Variants in AUNIP observed in about 807,000 individuals in gnomAD.
The protein encoded by AUNIP is aurora kinase A- and ninein-interacting protein.
AUNIP carries 16 observed loss-of-function variants against 12.2 expected under a neutral mutation model. The ratio of observed to expected loss-of-function variants is 1.31; its 90% confidence interval spans 0.88 to 1.99. AUNIP has a LOEUF of 1.99. AUNIP is among the 30% of genes most tolerant of loss of function. The pLI is 0.00. For synonymous variants in AUNIP, 142 were observed against 154.8 expected, an observed-to-expected ratio of 0.92 and a Z score of 0.61; for missense variants, 411 against 419.1, an observed-to-expected ratio of 0.98 and a Z score of 0.17.
chr1:25,832,155 T>C, downstream of AUNIP: 2 of 1,566,630 alleles, frequency 1.3e-6, no homozygotes, highest in South Asian at 1.1e-5. Context: ...AGCTAGAGCT[T>C]GGACTGAAAG....
Position 25,835,576 on chromosome 1 carries a change from G to C in AUNIP, c.491C>G (p.Ala164Gly). 1 of 1,614,254 alleles carries C rather than the reference G, an allele frequency of 6.2e-7. No homozygotes were observed. The highest frequency in any genetic ancestry group is 8.5e-7 in the Non-Finnish European group (1 of 1,180,052). ...SLLQPDTPDC[A>G]GDSHTPLAFS... ...AGCCAGTGGGGTATGACTATCTCCA[G>C]CACAGTCTGGAGTATCAGGCTGGAG... The change falls in exon 3 of 3, where the codon GCT (alanine) becomes GGT (glycine). Residue 164 changes from alanine (A) to glycine (G), a missense_variant. Physicochemically the swap from Ala to Gly is moderately conservative, Grantham distance 60. Transcript: ENST00000374298.
chr1:25,853,006 T>G (rs950242989), intron 1 of AUNIP, among the ~76,000 whole-genome samples: 4 of 152,246 alleles, frequency 2.6e-5, no homozygotes, highest in Non-Finnish European at 5.9e-5. Context: ...CTTTGTATGA[T>G]TTCCATCTTT....
intron 1 of AUNIP, among the ~76,000 whole-genome samples, chr1:25,853,524 G>A (rs2048437969): frequency 6.6e-6 from 1 of 152,168 alleles, no homozygotes; most frequent in Non-Finnish European, 1.5e-5. Context: ...CTGAACCCAT[G>A]AGTCAAAGTT....
chr1:25,835,781 A>C lies in AUNIP; in HGVS notation c.286T>G (p.Ser96Ala). The C allele has an allele frequency of 6.2e-7, 1 of 1,613,558 alleles. No individual in the cohort carries two copies. The highest frequency in any genetic ancestry group is 1.6e-4 in the Middle Eastern group (1 of 6,062). The change falls in exon 3 of 3, where the codon TCC (serine) becomes GCC (alanine). Residue 96 changes from serine (S) to alanine (A), a missense_variant. By Grantham distance (99) the Ser-to-Ala change is moderately conservative. Coordinates refer to ENST00000374298, the MANE Select transcript of AUNIP (RefSeq NM_024037.3). ...TCTAGCTGGGTCGCATTTTTCTTGGACTCTTTGTTGATCTGACTTTCTGTA... is the reference window on the plus strand; with the variant it reads ...TCTAGCTGGGTCGCATTTTTCTTGGCCTCTTTGTTGATCTGACTTTCTGTA... Reference protein sequence around the residue: ...SHTESQINKESKKNATQLDHL... With the variant: ...SHTESQINKEAKKNATQLDHL...
In AUNIP at chr1:25,835,171, G is replaced by A; in HGVS notation, c.896C>T (p.Ala299Val). Residue 299 changes from alanine to valine, a missense_variant, in exon 3 of 3, where the codon GCC becomes GTC. Transcript: ENST00000374298. ...TEDSQGQRVI[A>V]HNTRAPFQDV... is the part of the protein sequence containing the mutation. Reference sequence around the variant, plus strand: ...TTGAAAAGGAGCTCTAGTGTTGTGGGCAATGACCCGCTGGCCTTGAGAATC... The same window carrying A: ...TTGAAAAGGAGCTCTAGTGTTGTGGACAATGACCCGCTGGCCTTGAGAATC... 6.2e-7 allele frequency: 1 copy of A among 1,614,202 alleles called. No individual in the cohort carries two copies. Among genetic ancestry groups the A allele is most frequent in the Non-Finnish European group, 8.5e-7 (1 of 1,180,034 alleles).
rs2048279716 is a variant in AUNIP, at chr1:25,834,312, G to C, written c.*681C>G. The C allele has an allele frequency of 1.0e-6, 1 of 985,200 alleles. No homozygotes were observed. The highest frequency in any genetic ancestry group is 4.7e-5 in the South Asian group (1 of 21,272). The allele number at this position is 985,200 out of a possible 1,614,324, so 61.0% of individuals were successfully genotyped here. A position where few individuals can be genotyped will look rare whatever the true frequency, so the allele number is the denominator to read the frequency against. On this transcript the variant is annotated 3_prime_UTR_variant, in exon 3 of 3. Transcript: ENST00000374298. ...GGCTGATGTGGGTTAAGATCAGCCAGAGATTAAAAGCTCACACATCTGGCT... is the reference window on the plus strand; with the variant it reads ...GGCTGATGTGGGTTAAGATCAGCCACAGATTAAAAGCTCACACATCTGGCT...
At chr1:25,844,406 ACCC>A (rs1391677915) in intron 1 of AUNIP, among the ~76,000 whole-genome samples, 2 of 151,988 alleles carry the variant, frequency 1.3e-5, no homozygotes, top group East Asian at 3.9e-4. Flanking sequence ...GCCAAGTGTG[ACCC>A]TTTCTTATGC....
In AUNIP at chr1:25,857,786, C is replaced by A. The variant is rs184818376; in HGVS notation, c.78+1494G>T. On this transcript the variant is annotated intron_variant, in intron 1 of 2. Coordinates refer to ENST00000374298, the MANE Select transcript of AUNIP (RefSeq NM_024037.3). ...GCTGAGGCGGAAGAATCGCTTGAAC[C>A]CGGGAGGCAGAGGTTGCAGTGAGCT... 5.0e-3 allele frequency among the ~76,000 whole-genome samples: 760 copies of A among 151,078 alleles called. 8 individuals are homozygous for A. The highest frequency in any genetic ancestry group is 0.014 in the African/African-American group (585 of 41,158).
chr1:25,843,263 G>T (rs2048358721), intron 1 of AUNIP, among the ~76,000 whole-genome samples: 1 of 150,600 alleles, frequency 6.6e-6, no homozygotes, highest in South Asian at 2.1e-4. Flanking sequence ...TGTACAAGAA[G>T]ATTAATGTTT....
Position 25,859,431 on chromosome 1 carries a change from C to A in AUNIP, c.-74G>T. On this transcript the variant is annotated 5_prime_UTR_variant, in exon 1 of 3. Transcript: ENST00000374298. The stretch of plus-strand genomic sequence containing the variant: ...GCCTCAGGGAACGCCAGAACCGCGG[C>A]CGCCGACGTTCGGATCTCGCGCCAA... 1 of 1,349,616 alleles carries A rather than the reference C, an allele frequency of 7.4e-7. No homozygotes were observed. Among genetic ancestry groups the A allele is most frequent in the Non-Finnish European group, 9.7e-7 (1 of 1,034,288 alleles). 83.6% of individuals were successfully genotyped at this position (1,349,616 alleles called of 1,614,324 possible).
intron 1 of AUNIP, among the ~76,000 whole-genome samples, chr1:25,856,281 T>C (rs1260198462): frequency 6.6e-6 from 1 of 151,242 alleles, no homozygotes; most frequent in Admixed American, 6.6e-5. Context: ...AGAGAATCGC[T>C]TGAATCTGGG....
chr1:25,850,258 G>A (rs2048417029), intron 1 of AUNIP, among the ~76,000 whole-genome samples: 1 of 151,806 alleles, frequency 6.6e-6, no homozygotes, highest in Non-Finnish European at 1.5e-5. Context: ...AAATACAAGG[G>A]TTTACTTCTG....
intron 1 of AUNIP, among the ~76,000 whole-genome samples, chr1:25,850,691 T>C (rs1364292755): frequency 1.3e-5 from 2 of 152,212 alleles, no homozygotes; most frequent in African/African-American, 2.4e-5. Context: ...TGAAATTATT[T>C]CCTTAGTTTC....
intron 1 of AUNIP, among the ~76,000 whole-genome samples, chr1:25,843,601 A>G (rs1387639670): frequency 7.0e-6 from 1 of 142,542 alleles, no homozygotes; most frequent in Non-Finnish European, 1.5e-5. Context: ...TTTGAAAAAA[A>G]AAAAAAAAAA....
Position 25,843,181 on chromosome 1 carries a change from A to T in AUNIP, c.79-5627T>A, listed in dbSNP as rs543769714. Among the ~76,000 whole-genome samples the T allele has an allele frequency of 3.6e-4, 38 of 104,890 alleles. 1 individual carries two copies. The highest frequency in any genetic ancestry group is 2.9e-3 in the East Asian group (14 of 4,866). The allele number at this position is 104,890 out of a possible 152,430, so 68.8% of individuals were successfully genotyped here. A position where few individuals can be genotyped will look rare whatever the true frequency, so the allele number is the denominator to read the frequency against. On this transcript the variant is annotated intron_variant, in intron 1 of 2. Transcript: ENST00000374298. ...GACAGAGACCCCATCTCAAAAAAAAAAAAAATATATATATATATATATTTT... is the reference window on the plus strand; with the variant it reads ...GACAGAGACCCCATCTCAAAAAAAATAAAAATATATATATATATATATTTT...
At chr1:25,833,475 A>C (rs1434571415), downstream of AUNIP, among the ~76,000 whole-genome samples, 1 of 152,118 alleles carries the variant, frequency 6.6e-6, no homozygotes, top group East Asian at 1.9e-4. Context: ...CATACACGAT[A>C]AAAGTAGAAT....
intron 1 of AUNIP, among the ~76,000 whole-genome samples, chr1:25,852,080 G>A (rs1212359256): frequency 6.6e-6 from 1 of 152,030 alleles, no homozygotes; most frequent in Admixed American, 6.6e-5. Context: ...AGCCTCCTGA[G>A]TAGCTGGAAC....
intron 1 of AUNIP, among the ~76,000 whole-genome samples, chr1:25,842,299 C>T (rs930422178): frequency 1.3e-5 from 2 of 152,210 alleles, no homozygotes; most frequent in Non-Finnish European, 2.9e-5. Context: ...CCACAACATT[C>T]GCTTAAGTCA....
intron 1 of AUNIP, among the ~76,000 whole-genome samples, chr1:25,845,090 A>G (rs776587320): frequency 5.3e-5 from 8 of 152,348 alleles, no homozygotes; most frequent in Middle Eastern, 3.4e-3. Flanking sequence ...CTTCAACTTC[A>G]AACCTCTCTT....
Sources: gnomAD v4.1 joint callset for allele counts (sites outside exome capture counted in the v4.1 genomes callset) on GRCh38, gnomAD v4.1.1 for gene constraint, MANE v1.5 for transcripts, NCBI Gene and HGNC (gene_info 2026-07-23, HGNC 2026-07-21) for gene names.